The following STYK1 variants were observed in gnomAD, a reference collection of about 807,000 sequenced individuals.
STYK1 encodes STY kinase 1.
In STYK1, 46 loss-of-function variants were observed where a neutral mutation model predicts 48.1. That is an observed-to-expected ratio of 0.96 (90% CI 0.75 to 1.22). STYK1 has a LOEUF of 1.22. Among genes scored for constraint, STYK1 ranks in the 50% most tolerant of loss-of-function variants. The probability of loss-of-function intolerance (pLI) is 0.00; values close to 1 mark genes in which losing one functional copy is unlikely to be tolerated. For missense variants in STYK1, 527 were observed against 521.1 expected, an observed-to-expected ratio of 1.01 and a Z score of -0.11; for synonymous variants, 188 against 189.0, an observed-to-expected ratio of 0.99 and a Z score of 0.04.
At chr12:10,623,729 G>A (rs79869758) in intron 8 of STYK1, among the ~76,000 whole-genome samples, 2,283 of 152,216 alleles carry the variant, frequency 0.015, 27 homozygotes, top group Non-Finnish European at 0.025. Context: ...AACATCAAAA[G>A]TCTGCAGTCA....
In STYK1 at chr12:10,631,267, C is replaced by T; in HGVS notation, c.229G>A (p.Ala77Thr). The T allele has an allele frequency of 6.2e-7, 1 of 1,614,218 alleles. No individual in the cohort carries two copies. Residue 77 changes from alanine to threonine, a missense_variant, in exon 5 of 11, where the codon GCA (alanine) becomes ACA (threonine). Coordinates refer to ENST00000075503, the MANE Select transcript of STYK1 (RefSeq NM_018423.3). ...VPPPRDLSWE[A>T]GHGGNVALPL... is the part of the protein sequence containing the mutation. ...AAAGCCACATTTCCTCCATGTCCTGCTTCCCAGCTTAGGTCCCTAGGTGGA... is the reference window on the plus strand; with the variant it reads ...AAAGCCACATTTCCTCCATGTCCTGTTTCCCAGCTTAGGTCCCTAGGTGGA...
At chr12:10,656,435 G>T (rs765901514) in intron 1 of STYK1, among the ~76,000 whole-genome samples, 1 of 152,046 alleles carries the variant, frequency 6.6e-6, no homozygotes, top group African/African-American at 2.4e-5. Context: ...GACCATCCTG[G>T]CTAATATGGT....
chr12:10,671,772 C>T (rs1264765767), intron 1 of STYK1, among the ~76,000 whole-genome samples: 1 of 152,218 alleles, frequency 6.6e-6, no homozygotes, highest in Non-Finnish European at 1.5e-5. Flanking sequence ...CCTGGCAGAT[C>T]TTCGGAGCAC....
At chr12:10,635,276 A>G (rs1947474174) in intron 2 of STYK1, among the ~76,000 whole-genome samples, 1 of 152,170 alleles carries the variant, frequency 6.6e-6, no homozygotes, top group South Asian at 2.1e-4. Context: ...ATGAGCTACC[A>G]TTTCTAGCTC....
At chr12:10,623,062 C>CA (rs1565557862) in intron 8 of STYK1, among the ~76,000 whole-genome samples, 2 of 152,006 alleles carry the variant, frequency 1.3e-5, no homozygotes, top group African/African-American at 4.8e-5. Flanking sequence ...AAATTCTTGC[C>CA]TTTATTCTTA....
At chr12:10,648,898 C>G (rs1437415888) in intron 1 of STYK1, among the ~76,000 whole-genome samples, 1 of 152,034 alleles carries the variant, frequency 6.6e-6, no homozygotes, top group Non-Finnish European at 1.5e-5. Flanking sequence ...ATGTTTATTC[C>G]CTAAATAGTT....
intron 1 of STYK1, among the ~76,000 whole-genome samples, chr12:10,649,747 C>A (rs1425744944): frequency 6.6e-6 from 1 of 151,956 alleles, no homozygotes; most frequent in Non-Finnish European, 1.5e-5. Flanking sequence ...AAAAAAAGAC[C>A]AAGAGGGAAA....
chr12:10,669,563 T>G (rs1947870715), intron 1 of STYK1, among the ~76,000 whole-genome samples: 1 of 152,188 alleles, frequency 6.6e-6, no homozygotes, highest in South Asian at 2.1e-4. Flanking sequence ...TCCATCATAT[T>G]AGGCTAGGCA....
At chr12:10,657,496 A>T (rs983594596) in intron 1 of STYK1, among the ~76,000 whole-genome samples, 8 of 152,276 alleles carry the variant, frequency 5.3e-5, no homozygotes, top group African/African-American at 1.7e-4. Context: ...TTGGGAAATA[A>T]AGACAGTTTT....
At position 10,620,015 on chromosome 12, in the gene STYK1, G is replaced by A. The variant is rs1466184568; in HGVS notation, c.*129C>T. ...TCATTTCAGATTTCCCGAGAAATGT[G>A]TAAAGGAAGATCAAGAATCCATGTC... On this transcript the variant is annotated 3_prime_UTR_variant, in exon 11 of 11. Coordinates refer to ENST00000075503, the MANE Select transcript of STYK1 (RefSeq NM_018423.3). The A allele has an allele frequency of 1.1e-5, 12 of 1,049,082 alleles. No individual in the cohort carries two copies. The allele number at this position is 1,049,082 out of a possible 1,614,324, so 65.0% of individuals were successfully genotyped here. A position where few individuals can be genotyped will look rare whatever the true frequency, so the allele number is the denominator to read the frequency against.
chr12:10,633,965 C>A (rs759319922), intron 4 of STYK1, 25 bp downstream of exon 4: 4 of 1,611,690 alleles, frequency 2.5e-6, no homozygotes, highest in African/African-American at 2.7e-5. Context: ...TAAGCCCCTG[C>A]CCAGCCCCAA....
intron 1 of STYK1, among the ~76,000 whole-genome samples, chr12:10,659,894 C>T (rs1947757526): frequency 6.6e-6 from 1 of 152,090 alleles, no homozygotes; most frequent in South Asian, 2.1e-4. Flanking sequence ...CTATGGTACA[C>T]CTGTTGTTAG....
intron 1 of STYK1, among the ~76,000 whole-genome samples, chr12:10,642,239 C>T (rs1205798796): frequency 6.6e-6 from 1 of 152,174 alleles, no homozygotes; most frequent in Non-Finnish European, 1.5e-5. Flanking sequence ...ATATCTATTC[C>T]TACACTTACC....
intron 2 of STYK1, among the ~76,000 whole-genome samples, chr12:10,636,817 A>G (rs1947490779): frequency 6.6e-6 from 1 of 152,150 alleles, no homozygotes; most frequent in Admixed American, 6.5e-5. Flanking sequence ...CACAGGTGGA[A>G]AAAAGGGTCA....
chr12:10,656,689 T>G (rs191973326), intron 1 of STYK1, among the ~76,000 whole-genome samples: 10 of 152,322 alleles, frequency 6.6e-5, no homozygotes, highest in Admixed American at 3.9e-4. Context: ...CTCCGTTTTA[T>G]CTTCTTGCCA....
intron 5 of STYK1, 113 bp downstream of exon 5, chr12:10,630,932 T>C: frequency 7.2e-7 from 1 of 1,382,658 alleles, no homozygotes; most frequent in Non-Finnish European, 9.9e-7. Flanking sequence ...TCTATTACCT[T>C]CTTCTGTACA....
chr12:10,621,852 A>G, intron 10 of STYK1, 24 bp downstream of exon 10: 2 of 1,601,572 alleles, frequency 1.2e-6, no homozygotes, highest in Non-Finnish European at 1.7e-6. Flanking sequence ...ATGAAAGAGG[A>G]GCAGGCCTTT....
intron 4 of STYK1, 28 bp from the exon 5 acceptor site, chr12:10,631,336 T>G (rs1947426867): frequency 8.7e-6 from 14 of 1,602,566 alleles, no homozygotes; most frequent in Non-Finnish European, 1.2e-5. Context: ...TGTCAACCAG[T>G]TTTTCCCCGC....
chr12:10,670,065 G>A (rs1004852259), intron 1 of STYK1, among the ~76,000 whole-genome samples: 4 of 152,168 alleles, frequency 2.6e-5, no homozygotes, highest in African/African-American at 9.7e-5. Context: ...GAAACAGTAT[G>A]AAAGTTCCTC....
Sources: gnomAD v4.1 joint callset for allele counts (sites outside exome capture counted in the v4.1 genomes callset) on GRCh38, gnomAD v4.1.1 for gene constraint, MANE v1.5 for transcripts, NCBI Gene and HGNC (gene_info 2026-07-23, HGNC 2026-07-21) for gene names.